The following DPP10 variants were observed in gnomAD, a reference collection of about 807,000 sequenced individuals.
DPP10 encodes the protein inactive dipeptidyl peptidase 10.
A neutral mutation model predicts 120.9 loss-of-function variants in DPP10; 33 were observed. The observed-to-expected ratio is 0.27, with a 90% CI of 0.21 to 0.37. The LOEUF (loss-of-function observed/expected upper bound fraction) is 0.37. DPP10 is among the 10% of genes least tolerant of loss of function. The pLI is 1.00. For missense variants in DPP10, 816 were observed against 942.8 expected, an observed-to-expected ratio of 0.87 and a Z score of 1.76; for synonymous variants, 337 against 326.1, an observed-to-expected ratio of 1.03 and a Z score of -0.36.
At chr2:115,715,028 CAAA>C (rs70941091) in intron 7 of DPP10, among the ~76,000 whole-genome samples, 1 of 66,148 alleles carries the variant, frequency 1.5e-5, no homozygotes, top group Non-Finnish European at 2.8e-5. Flanking sequence ...GACTCTGTCT[CAAA>C]AAAAAAAAAA....
chr2:115,768,250 A>G, intron 12 of DPP10, 47 bp from the exon 13 acceptor site: 2 of 1,550,014 alleles, frequency 1.3e-6, no homozygotes, highest in Non-Finnish European at 1.8e-6. Flanking sequence ...GGCAGCACAG[A>G]TTGCATGTGC....
intron 1 of DPP10, among the ~76,000 whole-genome samples, chr2:115,136,996 T>A (rs185842263): frequency 5.9e-4 from 90 of 152,272 alleles, no homozygotes; most frequent in African/African-American, 2.0e-3. Flanking sequence ...CTAGGTAGAG[T>A]TTGTGGCTAT....
chr2:115,334,114 CT>C (rs202179255), intron 2 of DPP10, among the ~76,000 whole-genome samples: 495 of 151,544 alleles, frequency 3.3e-3, no homozygotes, highest in African/African-American at 0.012. Context: ...GCAAGGCAGG[CT>C]AACATTCAAA....
At chr2:115,538,449 T>A (rs1295215360) in intron 5 of DPP10, among the ~76,000 whole-genome samples, 1 of 151,998 alleles carries the variant, frequency 6.6e-6, no homozygotes, top group South Asian at 2.1e-4. Context: ...TAGATAAAAG[T>A]ATACTTATCA....
chr2:115,433,818 T>C (rs931059943), intron 3 of DPP10, among the ~76,000 whole-genome samples: 4 of 152,034 alleles, frequency 2.6e-5, no homozygotes, highest in Non-Finnish European at 4.4e-5. Context: ...GAGCTTTTTA[T>C]TGAAATTTAT....
intron 1 of DPP10, among the ~76,000 whole-genome samples, chr2:115,287,782 T>A (rs1030549024): frequency 6.6e-6 from 1 of 152,040 alleles, no homozygotes; most frequent in African/African-American, 2.4e-5. Context: ...CTAAAATACC[T>A]AGGGACATAC....
intron 1 of DPP10, among the ~76,000 whole-genome samples, chr2:115,141,839 C>T (rs370728267): frequency 1.3e-5 from 2 of 152,102 alleles, no homozygotes; most frequent in East Asian, 1.9e-4. Context: ...AGTGGCTCAA[C>T]GTCAGCTCAC....
Position 115,736,944 on chromosome 2 carries a change from C to A in DPP10, c.698-2795C>A, listed in dbSNP as rs542822663. Reference sequence around the variant, plus strand: ...ATAGGTGGACCCTTATTAGTTACTGCACTTGAGTCAGGATGTTTCCATGCC... The same window carrying A: ...ATAGGTGGACCCTTATTAGTTACTGAACTTGAGTCAGGATGTTTCCATGCC... On this transcript the variant is annotated intron_variant, in intron 8 of 25. Transcript: ENST00000410059. Among the ~76,000 whole-genome samples, 3 of 152,278 alleles carry A rather than the reference C, an allele frequency of 2.0e-5. No individual in the cohort carries two copies. The South Asian group carries it at 6.2e-4, about 32-fold the overall frequency.
At chr2:114,596,456 T>C (rs1022111472) in intron 1 of DPP10, among the ~76,000 whole-genome samples, 3 of 152,126 alleles carry the variant, frequency 2.0e-5, no homozygotes, top group African/African-American at 7.2e-5. Flanking sequence ...CCACTAAATC[T>C]GTAATAACCA....
intron 1 of DPP10, among the ~76,000 whole-genome samples, chr2:115,125,065 C>A (rs565941927): frequency 8.5e-5 from 13 of 152,240 alleles, no homozygotes; most frequent in African/African-American, 2.9e-4. Flanking sequence ...TCTCTATCTA[C>A]CATAACTGTG....
chr2:114,854,813 A>G lies in DPP10; in HGVS notation c.60+411975A>G. On this transcript the variant is annotated intron_variant, in intron 1 of 25. Coordinates refer to ENST00000410059, the MANE Select transcript of DPP10 (RefSeq NM_020868.6). ...TTCTTTAATTTGTTATTGAAAATGA[A>G]TCTATTCTTATTTAATTTGAGAAGG... Among the ~76,000 whole-genome samples, 4 of 152,298 alleles carry G rather than the reference A, an allele frequency of 2.6e-5. No homozygotes were observed. In the South Asian group the frequency reaches 8.3e-4, roughly 32 times the overall value.
At chr2:114,491,360 A>T (rs1337559597) in intron 1 of DPP10, among the ~76,000 whole-genome samples, 2 of 152,200 alleles carry the variant, frequency 1.3e-5, no homozygotes, top group African/African-American at 4.8e-5. Flanking sequence ...GGTATCTTGT[A>T]ATTTATGAAT....
At chr2:115,186,655 G>T (rs972544057) in intron 1 of DPP10, among the ~76,000 whole-genome samples, 2 of 152,118 alleles carry the variant, frequency 1.3e-5, no homozygotes, top group African/African-American at 4.8e-5. Context: ...ACCCTCAACT[G>T]TATAGTATTT....
chr2:114,945,421 A>G (rs1409239083), intron 1 of DPP10, among the ~76,000 whole-genome samples: 1 of 152,204 alleles, frequency 6.6e-6, no homozygotes, highest in Non-Finnish European at 1.5e-5. Flanking sequence ...TAAATGGGCA[A>G]AAGATCTGAA....
intron 3 of DPP10, among the ~76,000 whole-genome samples, chr2:115,491,979 G>A (rs1005689845): frequency 3.9e-5 from 6 of 152,168 alleles, no homozygotes; most frequent in South Asian, 2.1e-4. Flanking sequence ...GGCTAGTTGT[G>A]AAGTAGATGG....
In DPP10 at chr2:115,234,379, G is replaced by A. The variant is rs184966340; in HGVS notation, c.61-74860G>A. On this transcript the variant is annotated intron_variant, in intron 1 of 25. Transcript: ENST00000410059. Reference sequence around the variant, plus strand: ...TTAGATAACCTTAACCTTTGCATGCGTCACGTTTCACAATTTATAAAGCAC... The same window carrying A: ...TTAGATAACCTTAACCTTTGCATGCATCACGTTTCACAATTTATAAAGCAC... The A allele has an allele frequency of 1.8e-4, 29 of 157,964 alleles. No homozygotes were observed. The East Asian group carries it at 2.6e-3, about 14-fold the overall frequency. 9.8% of individuals were successfully genotyped at this position (157,964 alleles called of 1,614,324 possible). A position where few individuals can be genotyped will look rare whatever the true frequency, so the allele number is the denominator to read the frequency against.
chr2:114,951,354 G>A (rs555418242), intron 1 of DPP10, among the ~76,000 whole-genome samples: 1 of 152,160 alleles, frequency 6.6e-6, no homozygotes, highest in Non-Finnish European at 1.5e-5. Context: ...TTTATAATAT[G>A]AATATGATTA....
chr2:115,051,607 T>A (rs1226095082), intron 1 of DPP10, among the ~76,000 whole-genome samples: 1 of 152,202 alleles, frequency 6.6e-6, no homozygotes, highest in Non-Finnish European at 1.5e-5. Context: ...ATTTATTGTT[T>A]TAACTCCTCT....
chr2:114,923,627 C>T (rs1054403327), intron 1 of DPP10, among the ~76,000 whole-genome samples: 8 of 151,514 alleles, frequency 5.3e-5, no homozygotes, highest in East Asian at 3.9e-4. Flanking sequence ...TACAGGCGCC[C>T]GCCACCACGC....
Sources: allele counts gnomAD v4.1 joint callset (sites outside exome capture counted in the v4.1 genomes callset), GRCh38; gene constraint gnomAD v4.1.1; transcripts MANE v1.5; gene names NCBI Gene and HGNC (gene_info 2026-07-23, HGNC 2026-07-21).